The following DENND2C variants were observed in gnomAD, a reference collection of about 807,000 sequenced individuals.
DENND2C encodes the protein DENN domain-containing protein 2C.
Under a neutral mutation model 112.4 loss-of-function variants are expected in DENND2C, and 72 were observed. The ratio of observed to expected loss-of-function variants is 0.64; its 90% CI spans 0.53 to 0.78. The LOEUF is 0.78. Among genes scored for constraint, DENND2C ranks in the 30% least tolerant of loss-of-function variants. The probability of loss-of-function intolerance (pLI) is 0.00; values close to 1 mark genes in which losing one functional copy is unlikely to be tolerated. For synonymous variants in DENND2C, 329 were observed against 381.6 expected, an observed-to-expected ratio of 0.86 and a Z score of 1.61; for missense variants, 992 against 1,113.8, an observed-to-expected ratio of 0.89 and a Z score of 1.56.
chr1:114,608,719 A>G lies in DENND2C; in HGVS notation c.1524T>C (p.Tyr508=). 6.2e-7 allele frequency: 1 copy of G among 1,614,146 alleles called. No individual in the cohort carries two copies. Among genetic ancestry groups the G allele is most frequent in the Non-Finnish European group, 8.5e-7 (1 of 1,180,022 alleles). Residue 508 remains tyrosine (Y), a synonymous_variant, in exon 10 of 21, where the codon TAT becomes TAC. Coordinates refer to ENST00000393274, the MANE Select transcript of DENND2C (RefSeq NM_001256404.2). The part of the protein sequence containing the change: ...SLQKKPSGIS[Y]IPQVIQQFPG... Reference sequence around the variant, plus strand: ...GGAATTGTTGTATGACCTGGGGAATATAGCTTATTCCTGATGGTTTCTTCT... The same window carrying G: ...GGAATTGTTGTATGACCTGGGGAATGTAGCTTATTCCTGATGGTTTCTTCT...
intron 2 of DENND2C, among the ~76,000 whole-genome samples, chr1:114,652,047 T>TA (rs1657181945): frequency 6.6e-6 from 1 of 152,028 alleles, no homozygotes; most frequent in Non-Finnish European, 1.5e-5. Context: ...GAAAGCATCC[T>TA]AGGAGGGAGC....
intron 7 of DENND2C, among the ~76,000 whole-genome samples, chr1:114,621,555 G>A (rs1399644147): frequency 6.6e-6 from 1 of 152,176 alleles, no homozygotes; most frequent in Non-Finnish European, 1.5e-5. Context: ...ATATGAATGA[G>A]TGAATTAGAA....
At chr1:114,638,216 T>C (rs1656709507) in intron 3 of DENND2C, among the ~76,000 whole-genome samples, 1 of 151,844 alleles carries the variant, frequency 6.6e-6, no homozygotes, top group South Asian at 2.1e-4. Context: ...AACAAATAGG[T>C]ATCTATCTGT....
intron 1 of DENND2C, among the ~76,000 whole-genome samples, chr1:114,657,058 CAT>C (rs1169512754): frequency 6.6e-6 from 1 of 152,172 alleles, no homozygotes; most frequent in Admixed American, 6.5e-5. Context: ...GCCAAGTAGG[CAT>C]ATGTTTAACT....
At chr1:114,601,697 A>G (rs1655508836) in intron 12 of DENND2C, 112 bp from the exon 13 acceptor site, 6 of 850,452 alleles carry the variant, frequency 7.1e-6, no homozygotes, top group Non-Finnish European at 1.1e-5. Flanking sequence ...GCAGTAACCA[A>G]GGCTCTCATC....
At chr1:114,622,225 C>A (rs1327701469) in intron 6 of DENND2C, among the ~76,000 whole-genome samples, 160 bp from the exon 7 acceptor site, 2 of 152,098 alleles carry the variant, frequency 1.3e-5, no homozygotes, top group Non-Finnish European at 2.9e-5. Flanking sequence ...GTGATCCCCC[C>A]ACCTCAGCCC....
rs553797003 is a variant in DENND2C, at chr1:114,665,631, T to G, written c.-574+4352A>C. Reference sequence around the variant, plus strand: ...ATTCAGACATAACCCTATCGAAAATTGAGGAGCATCTGTACTTCTGGAATA... The same window carrying G: ...ATTCAGACATAACCCTATCGAAAATGGAGGAGCATCTGTACTTCTGGAATA... On this transcript the variant is annotated intron_variant, in intron 1 of 20. Transcript: ENST00000393274. Among the ~76,000 whole-genome samples the G allele has an allele frequency of 8.1e-4, 124 of 152,328 alleles. 1 individual carries two copies. The highest frequency in any genetic ancestry group is 2.8e-3 in the African/African-American group (115 of 41,582).
chr1:114,610,632 A>G (rs1655789832), intron 9 of DENND2C, among the ~76,000 whole-genome samples: 2 of 151,642 alleles, frequency 1.3e-5, no homozygotes, highest in Non-Finnish European at 2.9e-5. Context: ...CCCGGGAGGC[A>G]GAGGTTGCAG....
Position 114,588,121 on chromosome 1 carries a change from G to T in DENND2C, c.2432-169C>A, listed in dbSNP as rs1167069944. Among the ~76,000 whole-genome samples, 4 of 152,126 alleles carry T rather than the reference G, an allele frequency of 2.6e-5. No individual in the cohort carries two copies. In the East Asian group the frequency reaches 7.7e-4, roughly 29 times the overall value. On this transcript the variant is annotated intron_variant, in intron 18 of 20. Coordinates refer to ENST00000393274, the MANE Select transcript of DENND2C (RefSeq NM_001256404.2). Reference sequence around the variant, plus strand: ...TTTCTTTCTGCACGACCTAGAAAAGGCTAATTGCTTCTACCCTTCCCTTCA... The same window carrying T: ...TTTCTTTCTGCACGACCTAGAAAAGTCTAATTGCTTCTACCCTTCCCTTCA...
chr1:114,643,305 C>T (rs1656896444), intron 3 of DENND2C, among the ~76,000 whole-genome samples: 1 of 152,142 alleles, frequency 6.6e-6, no homozygotes, highest in African/African-American at 2.4e-5. Context: ...TTGCACTGTT[C>T]GCATTATTTG....
intron 4 of DENND2C, among the ~76,000 whole-genome samples, chr1:114,624,945 T>C (rs1656288680): frequency 6.6e-6 from 1 of 152,138 alleles, no homozygotes; most frequent in African/African-American, 2.4e-5. Flanking sequence ...TAAAGATATA[T>C]TAATAAAATG....
In DENND2C at chr1:114,622,849, ATT is replaced by A. The variant is rs1225156885; in HGVS notation, c.1056+136_1056+137del. 194 of 567,346 alleles carry A rather than the reference ATT, an allele frequency of 3.4e-4. 1 individual carries two copies. Among genetic ancestry groups the A allele is most frequent in the Admixed American group, 5.4e-4 (14 of 25,894 alleles). 35.1% of individuals were successfully genotyped at this position (567,346 alleles called of 1,614,324 possible). On this transcript the variant is annotated intron_variant, in intron 6 of 20. Transcript: ENST00000393274. ...TGTTATCCCAAAAAACAAAACAAAA[ATT>A]AAAAAAACTACCACCAACATTAAAA... is the stretch of plus-strand genomic sequence containing the variant.
intron 10 of DENND2C, among the ~76,000 whole-genome samples, chr1:114,608,287 A>G (rs1304299047): frequency 6.6e-6 from 1 of 152,148 alleles, no homozygotes; most frequent in Non-Finnish European, 1.5e-5. Context: ...AAAGAAAGAA[A>G]AAGAAAAGTA....
At chr1:114,620,141 G>T (rs377038273) in intron 7 of DENND2C, among the ~76,000 whole-genome samples, 1 of 152,138 alleles carries the variant, frequency 6.6e-6, no homozygotes, top group East Asian at 1.9e-4. Context: ...GGAAATAAAT[G>T]AAAATGGACT....
chr1:114,658,265 C>A (rs1017418370), intron 1 of DENND2C, among the ~76,000 whole-genome samples: 2 of 152,012 alleles, frequency 1.3e-5, no homozygotes, highest in African/African-American at 4.8e-5. Flanking sequence ...TGAGAATATT[C>A]ATCATGATTA....
At chr1:114,631,135 G>A (rs1338460542) in intron 3 of DENND2C, among the ~76,000 whole-genome samples, 1 of 152,302 alleles carries the variant, frequency 6.6e-6, no homozygotes, top group East Asian at 1.9e-4. Flanking sequence ...CAGCACTTTG[G>A]GAGGCCAAGG....
rs1401647332 is a variant in DENND2C at position 114,595,800 on chromosome 1, A to C, written c.2325+32T>G. ...TTATCTACAGTAGACATTTATCCTA[A>C]AACATAAGTAATTACCTCCTTTGGC... is the stretch of plus-strand genomic sequence containing the variant. On this transcript the variant is annotated intron_variant, in intron 17 of 20. Coordinates refer to ENST00000393274, the MANE Select transcript of DENND2C (RefSeq NM_001256404.2). 1.9e-6 allele frequency: 3 copies of C among 1,593,406 alleles called. No individual in the cohort carries two copies. The South Asian group carries it at 3.3e-5, about 18-fold the overall frequency.
intron 2 of DENND2C, among the ~76,000 whole-genome samples, chr1:114,651,351 C>T (rs1483467314): frequency 2.6e-5 from 4 of 151,276 alleles, no homozygotes; most frequent in African/African-American, 7.3e-5. Context: ...ACTCAGGAGG[C>T]TAAGGCAGGT....
At chr1:114,609,184 C>T (rs1207689378) in intron 9 of DENND2C, among the ~76,000 whole-genome samples, 3 of 152,322 alleles carry the variant, frequency 2.0e-5, no homozygotes, top group Admixed American at 1.3e-4. Flanking sequence ...TTCATGGCAT[C>T]AAACCAGGAC....
Sources: gnomAD v4.1 joint callset for allele counts (sites outside exome capture counted in the v4.1 genomes callset) on GRCh38, gnomAD v4.1.1 for gene constraint, MANE v1.5 for transcripts, NCBI Gene and HGNC (gene_info 2026-07-23, HGNC 2026-07-21) for gene names.